The following FAM47E variants were observed in gnomAD, a reference collection of about 807,000 sequenced individuals.
FAM47E encodes the protein protein FAM47E.
In FAM47E, 32 loss-of-function variants were observed where a neutral mutation model predicts 41.6. That is an observed-to-expected ratio of 0.77 (90% CI 0.58 to 1.03). The LOEUF is 1.03. FAM47E is among the 50% of genes least tolerant of loss of function. The probability of loss-of-function intolerance (pLI) is 0.00; values close to 1 mark genes in which losing one functional copy is unlikely to be tolerated. For missense variants in FAM47E, 424 were observed against 485.4 expected, an observed-to-expected ratio of 0.87 and a Z score of 1.19; for synonymous variants, 184 against 188.7, an observed-to-expected ratio of 0.98 and a Z score of 0.20.
intron 2 of FAM47E, among the ~76,000 whole-genome samples, chr4:76,244,119 C>T (rs1733769407): frequency 6.6e-6 from 1 of 152,184 alleles, no homozygotes; most frequent in Non-Finnish European, 1.5e-5. Context: ...ATATGTACCA[C>T]ATTTTCTTAA....
intron 5 of FAM47E, among the ~76,000 whole-genome samples, chr4:76,274,076 T>A (rs1338926430): frequency 6.6e-6 from 1 of 152,234 alleles, no homozygotes; most frequent in African/African-American, 2.4e-5. Context: ...TCTGTGTCAG[T>A]TTCCACTAGG....
intron 5 of FAM47E, among the ~76,000 whole-genome samples, chr4:76,272,841 C>G (rs1734948249): frequency 6.6e-6 from 1 of 152,162 alleles, no homozygotes; most frequent in Admixed American, 6.5e-5. Flanking sequence ...GAGCTTTTGA[C>G]TGGCAAATGG....
At chr4:76,260,063 A>G (rs996484571) in intron 2 of FAM47E, among the ~76,000 whole-genome samples, 7 of 152,356 alleles carry the variant, frequency 4.6e-5, no homozygotes, top group Admixed American at 3.9e-4. Context: ...GAAATCATAA[A>G]TGATGCTAAT....
At chr4:76,247,168 T>A (rs12499643), upstream of FAM47E, among the ~76,000 whole-genome samples, 9,049 of 152,244 alleles carry the variant, frequency 0.059, 291 homozygotes, top group Middle Eastern at 0.088. Context: ...TGAGTTTGCC[T>A]ATTCTAGATA....
intron 2 of FAM47E, among the ~76,000 whole-genome samples, chr4:76,222,835 A>C (rs1304804919): frequency 6.6e-6 from 1 of 152,212 alleles, no homozygotes; most frequent in Non-Finnish European, 1.5e-5. Context: ...TATTTCTACC[A>C]TGGAGGACTA....
chr4:76,247,700 T>G (rs1334299945), upstream of FAM47E, among the ~76,000 whole-genome samples: 1 of 152,150 alleles, frequency 6.6e-6, no homozygotes, highest in East Asian at 1.9e-4. Context: ...TGACTAATGA[T>G]GTTGAACATC....
chr4:76,243,241 C>A (rs1242026958), intron 2 of FAM47E, among the ~76,000 whole-genome samples: 5 of 152,138 alleles, frequency 3.3e-5, no homozygotes, highest in Non-Finnish European at 1.5e-5. Context: ...TTATAGTAGC[C>A]TGGACTGACT....
At chr4:76,229,224 G>A (rs1458546835) in intron 2 of FAM47E, among the ~76,000 whole-genome samples, 1 of 152,052 alleles carries the variant, frequency 6.6e-6, no homozygotes, top group African/African-American at 2.4e-5. Flanking sequence ...TGTTTCTCTG[G>A]AAAATTGTTC....
Position 76,234,126 on chromosome 4 carries a change from G to C in FAM47E, c.81+16438G>C, listed in dbSNP as rs147647699. 1.2e-3 allele frequency among the ~76,000 whole-genome samples: 183 copies of C among 152,304 alleles called. 4 individuals carry two copies. The East Asian group carries it at 0.032, about 27-fold the overall frequency. The stretch of plus-strand genomic sequence containing the variant: ...GGCCATGTGTCTCAGCCCAGGCAGG[G>C]AGGGGAGGGTGGAGGGGAGCCGCTG... On this transcript the variant is annotated intron_variant, in intron 2 of 7. Transcript: ENST00000510197.
At chr4:76,238,339 T>C (rs906735103) in intron 2 of FAM47E, among the ~76,000 whole-genome samples, 1 of 152,234 alleles carries the variant, frequency 6.6e-6, no homozygotes, top group African/African-American at 2.4e-5. Context: ...CTGTTGAATT[T>C]TGATCTAGCT....
rs190496181 is a variant in FAM47E at position 76,224,924 on chromosome 4, C to T, written c.81+7236C>T. Among the ~76,000 whole-genome samples, 26 of 152,044 alleles carry T rather than the reference C, an allele frequency of 1.7e-4. No homozygotes were observed. The East Asian group carries it at 3.5e-3, about 20-fold the overall frequency. Reference sequence around the variant, plus strand: ...CGCCTCCTACCCTTCCCCCCAAGTCCCCAGAGTCCATTATATCATTCTTAT... The same window carrying T: ...CGCCTCCTACCCTTCCCCCCAAGTCTCCAGAGTCCATTATATCATTCTTAT... On this transcript the variant is annotated intron_variant, in intron 2 of 7. Coordinates refer to the FAM47E transcript ENST00000510197.
At chr4:76,254,578 A>G (rs1230024464) in intron 1 of FAM47E, among the ~76,000 whole-genome samples, 1 of 152,160 alleles carries the variant, frequency 6.6e-6, no homozygotes, top group East Asian at 1.9e-4. Context: ...CTACACATCT[A>G]TGCAACAAGT....
intron 2 of FAM47E, among the ~76,000 whole-genome samples, chr4:76,259,916 A>G (rs948303447): frequency 2.6e-5 from 4 of 152,236 alleles, no homozygotes; most frequent in Admixed American, 2.6e-4. Context: ...TCTATACATT[A>G]TCAATGCTGA....
At chr4:76,244,111 A>G (rs944490579) in intron 2 of FAM47E, among the ~76,000 whole-genome samples, 7 of 152,210 alleles carry the variant, frequency 4.6e-5, no homozygotes, top group African/African-American at 1.2e-4. Context: ...CATGGTGTAT[A>G]TGTACCACAT....
chr4:76,230,478 GC>G (rs1382072293), intron 2 of FAM47E, among the ~76,000 whole-genome samples: 1 of 152,142 alleles, frequency 6.6e-6, no homozygotes, highest in Non-Finnish European at 1.5e-5. Context: ...GGCCTCACCT[GC>G]CCCTCCCTGT....
At chr4:76,265,146 T>G (rs1734578923) in intron 3 of FAM47E, among the ~76,000 whole-genome samples, 1 of 152,234 alleles carries the variant, frequency 6.6e-6, no homozygotes, top group Admixed American at 6.5e-5. Context: ...ACTCTAGTCT[T>G]AGGACATTTC....
chr4:76,238,060 A>C (rs1370718609), intron 2 of FAM47E, among the ~76,000 whole-genome samples: 1 of 152,220 alleles, frequency 6.6e-6, no homozygotes, highest in Non-Finnish European at 1.5e-5. Flanking sequence ...AAATAAGGGA[A>C]GATAGGTGAG....
rs1441939957 is a variant in FAM47E, at chr4:76,263,765, AT to A, written c.484del (p.Cys162ValfsTer8). On this transcript the variant is annotated frameshift_variant, in exon 3 of 8. Coordinates refer to ENST00000424749, the MANE Select transcript of FAM47E (RefSeq NM_001136570.3). LOFTEE classifies it high-confidence loss of function. ...PDRKLEDTWA[Y>X]CQDTRKGMKE... ...CGGAAGCTGGAGGACACATGGGCTT[AT>A]TGTCAGGACACCAGGAAAGGAATGA... The A allele has an allele frequency of 6.4e-7, 1 of 1,551,680 alleles. No homozygotes were observed. The highest frequency in any genetic ancestry group is 2.4e-5 in the East Asian group (1 of 40,922).
intron 5 of FAM47E, among the ~76,000 whole-genome samples, chr4:76,277,557 A>AT (rs935439835): frequency 6.6e-6 from 1 of 152,062 alleles, no homozygotes; most frequent in African/African-American, 2.4e-5. Context: ...TAAAAAAAAA[A>AT]ATATTGTAGC....
Sources: allele counts gnomAD v4.1 joint callset (sites outside exome capture counted in the v4.1 genomes callset), GRCh38; gene constraint gnomAD v4.1.1; transcripts MANE v1.5; gene names NCBI Gene and HGNC (gene_info 2026-07-23, HGNC 2026-07-21).